The following PDE10A variants were observed in gnomAD, a reference collection of about 807,000 sequenced individuals.
PDE10A encodes the protein phosphodiesterase 10A.
PDE10A carries 39 observed loss-of-function variants against 97.7 expected under a neutral mutation model. The ratio of observed to expected loss-of-function variants is 0.40; its 90% confidence interval spans 0.31 to 0.52. The LOEUF (loss-of-function observed/expected upper bound fraction) is 0.52. Among genes scored for constraint, PDE10A ranks in the 20% least tolerant of loss-of-function variants. PDE10A has a pLI of 0.56. For missense variants in PDE10A, 731 were observed against 1,047.8 expected (o/e 0.70, Z 4.17); for synonymous variants, 371 against 376.8 (o/e 0.98, Z 0.18).
At chr6:165,405,580 C>G (rs952964258) in intron 13 of PDE10A, among the ~76,000 whole-genome samples, 30 of 152,154 alleles carry the variant, frequency 2.0e-4, no homozygotes, top group Non-Finnish European at 3.8e-4. Flanking sequence ...TCATTTTGTC[C>G]TGACAATAAT....
intron 1 of PDE10A, chr6:165,775,452 G>C (rs946135624): frequency 6.6e-6 from 1 of 152,156 alleles, no homozygotes. Flanking sequence ...TATTTTGGCA[G>C]CAGGATGAAT....
rs930473767 is a variant in PDE10A at position 165,971,575 on chromosome 6, G to A, written c.-615+15954C>T. On this transcript the variant is annotated intron_variant, in intron 1 of 19. Coordinates refer to the PDE10A transcript ENST00000366882. Reference sequence around the variant, plus strand: ...TCATTTCTCTCTTGGTCCAAACTCAGGCCCAGACTGTCAAAAGTGCCTTGC... The same window carrying A: ...TCATTTCTCTCTTGGTCCAAACTCAAGCCCAGACTGTCAAAAGTGCCTTGC... 3.9e-5 allele frequency among the ~76,000 whole-genome samples: 6 copies of A among 152,134 alleles called. No individual in the cohort carries two copies. In the East Asian group the frequency reaches 1.2e-3, roughly 29 times the overall value.
intron 1 of PDE10A, among the ~76,000 whole-genome samples, chr6:165,917,965 C>A (rs192377342): frequency 6.6e-6 from 1 of 152,196 alleles, no homozygotes; most frequent in African/African-American, 2.4e-5. Context: ...GTCTTATCAC[C>A]CACAAATGGT....
chr6:165,332,978 C>G lies in PDE10A; in HGVS notation c.*47G>C. 1 of 888,972 alleles carries G rather than the reference C, an allele frequency of 1.1e-6. No individual in the cohort carries two copies. The allele number at this position is 888,972 out of a possible 1,614,324, so 55.1% of individuals were successfully genotyped here. On this transcript the variant is annotated 3_prime_UTR_variant, in exon 22 of 22. Transcript: ENST00000539869. ...AAAAAGGAAAAGAATGTCAAAGAAGCAAGATGAGGATCTGTAGGTGGGACA... is the reference window on the plus strand; with the variant it reads ...AAAAAGGAAAAGAATGTCAAAGAAGGAAGATGAGGATCTGTAGGTGGGACA...
At chr6:165,953,171 A>G (rs1307914624) in intron 1 of PDE10A, among the ~76,000 whole-genome samples, 2 of 152,118 alleles carry the variant, frequency 1.3e-5, no homozygotes, top group Non-Finnish European at 2.9e-5. Flanking sequence ...GCACTTTCCA[A>G]CCATCTAGTT....
At chr6:165,612,186 G>A (rs146144302) in intron 1 of PDE10A, among the ~76,000 whole-genome samples, 157 of 152,294 alleles carry the variant, frequency 1.0e-3, no homozygotes, top group African/African-American at 3.6e-3. Flanking sequence ...GAGAAAGTCT[G>A]TTTTTGATGG....
At chr6:165,693,528 CAAAAAAAAAA>C (rs55830575) in intron 1 of PDE10A, among the ~76,000 whole-genome samples, 4 of 56,734 alleles carry the variant, frequency 7.1e-5, no homozygotes, top group African/African-American at 2.5e-4. Flanking sequence ...GAGGCTCCAC[CAAAAAAAAAA>C]AAAAAAAAAA....
intron 1 of PDE10A, among the ~76,000 whole-genome samples, chr6:165,980,352 T>A (rs1161458366): frequency 1.3e-5 from 2 of 151,976 alleles, no homozygotes; most frequent in African/African-American, 4.8e-5. Context: ...AACATATACA[T>A]GTATACATGT....
At chr6:165,796,430 C>A (rs1778836359) in intron 1 of PDE10A, among the ~76,000 whole-genome samples, 1 of 152,150 alleles carries the variant, frequency 6.6e-6, no homozygotes, top group Non-Finnish European at 1.5e-5. Flanking sequence ...TTCCTTACAT[C>A]TTCTCAGTCA....
intron 1 of PDE10A, among the ~76,000 whole-genome samples, chr6:165,601,371 A>G (rs1228462307): frequency 6.6e-6 from 1 of 152,272 alleles, no homozygotes; most frequent in East Asian, 1.9e-4. Context: ...CCCAAATATA[A>G]CAATTACATT....
chr6:165,890,595 A>C (rs78892741), intron 1 of PDE10A, among the ~76,000 whole-genome samples: 2,568 of 152,294 alleles, frequency 0.017, 35 homozygotes, highest in Non-Finnish European at 0.027. Flanking sequence ...AGGCAGGTAG[A>C]GAAAGCCCCC....
intron 1 of PDE10A, chr6:165,774,831 C>CTTTTTTTTTTTTTTTTTTT (rs5881660): frequency 5.6e-5 from 6 of 107,850 alleles, no homozygotes; most frequent in Non-Finnish European, 9.4e-5. Flanking sequence ...ACTTTTTTTT[C>CTTTTTTTTTTTTTTTTTTT]TTTTTTTTTT....
chr6:165,631,505 T>G (rs534710224), intron 1 of PDE10A, among the ~76,000 whole-genome samples: 52 of 152,314 alleles, frequency 3.4e-4, no homozygotes, highest in Non-Finnish European at 6.0e-4. Context: ...TGGACAAAAG[T>G]AAACTGTAAT....
rs71552885 is a variant in PDE10A, at chr6:165,632,200, C to CAAAAA, written c.865+29742_865+29746dup. On this transcript the variant is annotated intron_variant, in intron 1 of 21. Coordinates refer to ENST00000539869, the MANE Select transcript of PDE10A (RefSeq NM_001385079.1). ...GAGTGATAAGAGGGAGAGTCCATCT[C>CAAAAA]AAAAAAAAAAAAAAAAAAAAAAGAT... is the stretch of plus-strand genomic sequence containing the variant. Among the ~76,000 whole-genome samples, 126 of 67,076 alleles carry CAAAAA rather than the reference C, an allele frequency of 1.9e-3. 3 individuals carry two copies. Among genetic ancestry groups the CAAAAA allele is most frequent in the East Asian group, 4.1e-3 (8 of 1,952 alleles). 44.0% of individuals were successfully genotyped at this position (67,076 alleles called of 152,430 possible).
chr6:165,979,291 C>A (rs1238509239), intron 1 of PDE10A, among the ~76,000 whole-genome samples: 3 of 152,164 alleles, frequency 2.0e-5, no homozygotes, highest in African/African-American at 7.2e-5. Flanking sequence ...GCTTTCTCCC[C>A]AGCTGGCCCA....
At chr6:165,539,609 C>G (rs1464482198) in intron 2 of PDE10A, among the ~76,000 whole-genome samples, 2 of 152,148 alleles carry the variant, frequency 1.3e-5, no homozygotes, top group African/African-American at 4.8e-5. Flanking sequence ...AATGAAAACA[C>G]AAGGAACCTG....
At chr6:165,735,063 GGTAGGTAGGTAGGTAGGTTT>G (rs1792537221) in intron 1 of PDE10A, among the ~76,000 whole-genome samples, 1 of 151,572 alleles carries the variant, frequency 6.6e-6, no homozygotes, top group Non-Finnish European at 1.5e-5. Flanking sequence ...TAGACAGATA[GGTAGGTAGGTAGGTAGGTTT>G]GTAGGTAGGT....
chr6:165,619,520 T>C (rs1787994621), intron 1 of PDE10A, among the ~76,000 whole-genome samples: 1 of 131,276 alleles, frequency 7.6e-6, no homozygotes, highest in Non-Finnish European at 1.7e-5. Context: ...TAGTCTAGTG[T>C]AGTGTAGTGT....
chr6:165,720,026 C>T (rs1238768600), intron 1 of PDE10A, among the ~76,000 whole-genome samples: 1 of 152,158 alleles, frequency 6.6e-6, no homozygotes, highest in African/African-American at 2.4e-5. Context: ...GAATTTGGTT[C>T]CCTGTTCCGT....
Sources: gnomAD v4.1 joint callset for allele counts (sites outside exome capture counted in the v4.1 genomes callset) on GRCh38, gnomAD v4.1.1 for gene constraint, MANE v1.5 for transcripts, NCBI Gene and HGNC (gene_info 2026-07-23, HGNC 2026-07-21) for gene names.